The following SLC10A7 variants were observed in gnomAD, a reference collection of about 807,000 sequenced individuals.
The protein encoded by SLC10A7 is solute carrier family 10 member 7, also known as sodium/bile acid cotransporter 7.
Under a neutral mutation model 43.2 loss-of-function variants are expected in SLC10A7, and 29 were observed. The ratio of observed to expected loss-of-function variants is 0.67; its 90% CI spans 0.50 to 0.92. The LOEUF (loss-of-function observed/expected upper bound fraction) is 0.92. SLC10A7 is among the 40% of genes least tolerant of loss of function. The probability of loss-of-function intolerance (pLI) is 0.00; values close to 1 mark genes in which losing one functional copy is unlikely to be tolerated. For synonymous variants in SLC10A7, 152 were observed against 144.8 expected (o/e 1.05, Z -0.35); for missense variants, 295 against 403.2 (o/e 0.73, Z 2.30).
chr4:146,511,037 T>C (rs1051575750), intron 2 of SLC10A7, among the ~76,000 whole-genome samples: 12 of 152,222 alleles, frequency 7.9e-5, no homozygotes, highest in Admixed American at 1.3e-4. Flanking sequence ...TAAATACTAT[T>C]ATCCCTGTTT....
intron 5 of SLC10A7, among the ~76,000 whole-genome samples, chr4:146,430,091 A>C (rs775378595): frequency 6.6e-6 from 1 of 150,908 alleles, no homozygotes; most frequent in Non-Finnish European, 1.5e-5. Flanking sequence ...AGGATTTCTT[A>C]GATAGGATAC....
At chr4:146,413,639 CT>C (rs1728355796) in intron 5 of SLC10A7, among the ~76,000 whole-genome samples, 1 of 152,088 alleles carries the variant, frequency 6.6e-6, no homozygotes, top group Non-Finnish European at 1.5e-5. Context: ...TAAACAGTAT[CT>C]TTTGCTTTTT....
intron 9 of SLC10A7, among the ~76,000 whole-genome samples, chr4:146,290,716 G>A (rs958267332): frequency 2.0e-5 from 3 of 152,020 alleles, no homozygotes; most frequent in Admixed American, 1.3e-4. Flanking sequence ...CAAGTTAGCC[G>A]GGCATGGTGG....
chr4:146,380,449 T>C (rs1254014991), intron 5 of SLC10A7, among the ~76,000 whole-genome samples: 1 of 152,198 alleles, frequency 6.6e-6, no homozygotes, highest in Admixed American at 6.5e-5. Context: ...CAAACCACTA[T>C]ATTTAGGTTA....
intron 7 of SLC10A7, among the ~76,000 whole-genome samples, chr4:146,297,720 T>C (rs369752286): frequency 1.3e-5 from 2 of 152,222 alleles, no homozygotes; most frequent in African/African-American, 4.8e-5. Context: ...TTTTAATATA[T>C]AGTCAGAGAT....
intron 2 of SLC10A7, among the ~76,000 whole-genome samples, chr4:146,513,368 C>A (rs1161263855): frequency 6.6e-6 from 1 of 152,042 alleles, no homozygotes; most frequent in African/African-American, 2.4e-5. Context: ...AAACATACTA[C>A]ATTCACATAC....
intron 5 of SLC10A7, among the ~76,000 whole-genome samples, chr4:146,389,408 T>C (rs1218521390): frequency 6.6e-6 from 1 of 152,110 alleles, no homozygotes; most frequent in African/African-American, 2.4e-5. Context: ...GTCTGCAACC[T>C]GGAAGAAAGC....
At chr4:146,446,524 C>A (rs1444495865) in intron 4 of SLC10A7, among the ~76,000 whole-genome samples, 1 of 149,520 alleles carries the variant, frequency 6.7e-6, no homozygotes, top group Non-Finnish European at 1.5e-5. Context: ...TGCAGTGAGT[C>A]GAGATTGTAC....
chr4:146,327,852 T>G (rs1239731521), intron 5 of SLC10A7, among the ~76,000 whole-genome samples: 1 of 152,114 alleles, frequency 6.6e-6, no homozygotes, highest in African/African-American at 2.4e-5. Flanking sequence ...TTGGGGGGCC[T>G]GAGAATAGGC....
intron 10 of SLC10A7, among the ~76,000 whole-genome samples, chr4:146,266,446 C>T (rs557836422): frequency 8.6e-5 from 13 of 152,008 alleles, no homozygotes; most frequent in African/African-American, 1.9e-4. Context: ...CACACATGCA[C>T]GCACACACAC....
At chr4:146,349,818 G>C (rs192665255) in intron 5 of SLC10A7, among the ~76,000 whole-genome samples, 32 of 152,162 alleles carry the variant, frequency 2.1e-4, no homozygotes, top group Admixed American at 1.0e-3. Flanking sequence ...GGCAACAATA[G>C]ACACTGGGGA....
rs764390721 is a variant in SLC10A7, at chr4:146,521,827, T to A, written c.-110A>T. The A allele has an allele frequency of 3.7e-5, 32 of 870,728 alleles. No homozygotes were observed. The highest frequency in any genetic ancestry group is 2.3e-4 in the Middle Eastern group (1 of 4,418). 53.9% of individuals were successfully genotyped at this position (870,728 alleles called of 1,614,324 possible). A position where few individuals can be genotyped will look rare whatever the true frequency, so the allele number is the denominator to read the frequency against. On this transcript the variant is annotated 5_prime_UTR_variant, in exon 1 of 12. An upstream start codon of the reference 5' UTR is lost. Transcript: ENST00000335472. ...ACACTTTCCTTGGTCCCTCCAGACA[T>A]GCAGCAGAGCAAGTCAAATTGCCGA...
intron 3 of SLC10A7, among the ~76,000 whole-genome samples, chr4:146,507,288 G>A (rs775360158): frequency 2.6e-5 from 4 of 152,154 alleles, no homozygotes; most frequent in Admixed American, 2.6e-4. Context: ...GTGGCTGGGC[G>A]CAGTGGCTCA....
intron 6 of SLC10A7, 102 bp downstream of exon 6, chr4:146,325,859 G>T: frequency 9.6e-7 from 1 of 1,041,982 alleles, no homozygotes; most frequent in Non-Finnish European, 1.4e-6. Flanking sequence ...TCCAAATATG[G>T]TGCAAAATAA....
At chr4:146,401,435 A>G (rs1480510768) in intron 5 of SLC10A7, among the ~76,000 whole-genome samples, 1 of 152,160 alleles carries the variant, frequency 6.6e-6, no homozygotes, top group Non-Finnish European at 1.5e-5. Flanking sequence ...CCCTCTTACT[A>G]TGGTTCCTTA....
intron 4 of SLC10A7, among the ~76,000 whole-genome samples, chr4:146,451,031 C>A (rs935399663): frequency 1.7e-4 from 25 of 149,932 alleles, no homozygotes; most frequent in Admixed American, 5.3e-4. Flanking sequence ...AAAAAAAAAA[C>A]CAGACAGATT....
chr4:146,424,454 A>C (rs1729179316), intron 5 of SLC10A7, among the ~76,000 whole-genome samples: 1 of 152,160 alleles, frequency 6.6e-6, no homozygotes, highest in Admixed American at 6.5e-5. Context: ...TGAGGTCAGG[A>C]GTTAGAGACC....
intron 7 of SLC10A7, among the ~76,000 whole-genome samples, chr4:146,296,171 C>T (rs1730772849): frequency 6.6e-6 from 1 of 152,120 alleles, no homozygotes; most frequent in African/African-American, 2.4e-5. Context: ...ACACAGCCTC[C>T]TGTGCACTTT....
chr4:146,488,013 T>A (rs1735066167), intron 4 of SLC10A7, among the ~76,000 whole-genome samples: 1 of 151,960 alleles, frequency 6.6e-6, no homozygotes, highest in African/African-American at 2.4e-5. Context: ...ATAGTGGAAC[T>A]CTGTCTCTAC....
Sources: gnomAD v4.1 joint callset for allele counts (sites outside exome capture counted in the v4.1 genomes callset) on GRCh38, gnomAD v4.1.1 for gene constraint, MANE v1.5 for transcripts, NCBI Gene and HGNC (gene_info 2026-07-23, HGNC 2026-07-21) for gene names.